Variants in H1-0 observed in about 807,000 individuals in gnomAD.
H1-0 encodes the protein H1.0 linker histone.
In H1-0, 5 loss-of-function variants were observed where a neutral mutation model predicts 8.8. That is an observed-to-expected ratio of 0.57 (90% CI 0.30 to 1.19). The LOEUF (loss-of-function observed/expected upper bound fraction) is 1.19, where lower values mean the gene tolerates loss of function less well. Among genes scored for constraint, H1-0 ranks in the 50% most tolerant of loss-of-function variants. H1-0 has a pLI of 0.08. For synonymous variants in H1-0, 143 were observed against 101.4 expected (o/e 1.41, Z -2.46); for missense variants, 231 against 242.0 (o/e 0.95, Z 0.30).
chr22:37,805,416 G>C lies in H1-0; in HGVS notation c.-129G>C, dbSNP rs1920976921. The C allele has an allele frequency of 9.3e-6, 6 of 642,696 alleles. No individual in the cohort carries two copies. The East Asian group carries it at 1.7e-4, about 19-fold the overall frequency. The allele number at this position is 642,696 out of a possible 1,614,324, so 39.8% of individuals were successfully genotyped here. Reference sequence around the variant, plus strand: ...CAGCGACTCCTCGCTCGCATCCCCGGGAGCCGCACTCCAGACTGGCCCGGT... The same window carrying C: ...CAGCGACTCCTCGCTCGCATCCCCGCGAGCCGCACTCCAGACTGGCCCGGT... On this transcript the variant is annotated 5_prime_UTR_variant, in exon 1 of 1. Transcript: ENST00000340857.
chr22:37,805,548 A>G lies in H1-0; in HGVS notation c.4A>G (p.Thr2Ala). The G allele has an allele frequency of 3.1e-6, 5 of 1,610,686 alleles. No homozygotes were observed. The highest frequency in any genetic ancestry group is 4.2e-6 in the Non-Finnish European group (5 of 1,177,882). ...CAGCCGGACCAGACAGGCCACCATG[A>G]CCGAGAATTCCACGTCCGCCCCTGC... Reference protein sequence around the residue: MTENSTSAPAAK... With the variant: MAENSTSAPAAK... The change falls in exon 1 of 1, where the codon ACC (threonine) becomes GCC (alanine). Residue 2 changes from threonine (T) to alanine (A), a missense_variant. Thr to Ala is a moderately conservative substitution (Grantham distance 58, BLOSUM62 0). Transcript: ENST00000340857.
chr22:37,805,640 C>T lies in H1-0; in HGVS notation c.96C>T (p.Ile32=), dbSNP rs151035348. The change falls in exon 1 of 1, where the codon ATC becomes ATT. Residue 32 remains isoleucine, a synonymous_variant. Transcript: ENST00000340857. ...STDHPKYSDM[I]VAAIQAEKNR... is the part of the protein sequence containing the mutation. The stretch of plus-strand genomic sequence containing the variant: ...ACCACCCCAAGTATTCAGACATGAT[C>T]GTGGCTGCCATCCAGGCCGAGAAGA... 46 of 1,613,998 alleles carry T rather than the reference C, an allele frequency of 2.9e-5. No individual in the cohort carries two copies. The highest frequency in any genetic ancestry group is 3.3e-5 in the Admixed American group (2 of 60,014).
chr22:37,806,243 C>T lies in H1-0; in HGVS notation c.*114C>T, dbSNP rs1920993052. ...CACCTTTTGCCCCCTTCTGTTCTGA[C>T]TTTATAAGAGACAGGATTTGGATTC... On this transcript the variant is annotated 3_prime_UTR_variant, in exon 1 of 1. Transcript: ENST00000340857. The T allele has an allele frequency of 5.2e-6, 4 of 763,686 alleles. No individual in the cohort carries two copies. The highest frequency in any genetic ancestry group is 2.9e-5 in the Admixed American group (1 of 34,124). 47.3% of individuals were successfully genotyped at this position (763,686 alleles called of 1,614,324 possible).
At position 37,805,919 on chromosome 22, in the gene H1-0, G is replaced by A; in HGVS notation, c.375G>A (p.Lys125=). Residue 125 remains lysine (K), a synonymous_variant, in exon 1 of 1, where the codon AAG becomes AAA. Coordinates refer to ENST00000340857, the MANE Select transcript of H1-0 (RefSeq NM_005318.4). The stretch of plus-strand genomic sequence containing the variant: ...TAGCCACGCCAAAGAAGGCATCCAA[G>A]CCCAAGAAGGCTGCCTCCAAAGCCC... The part of the protein sequence containing the change: ...KKVATPKKAS[K]PKKAASKAPT... 2 of 1,614,092 alleles carry A rather than the reference G, an allele frequency of 1.2e-6. No homozygotes were observed. Among genetic ancestry groups the A allele is most frequent in the Middle Eastern group, 1.6e-4 (1 of 6,062 alleles).
rs565020980 is a variant in H1-0, at chr22:37,805,852, A to G, written c.308A>G (p.Lys103Arg). The G allele has an allele frequency of 6.2e-7, 1 of 1,614,014 alleles. No homozygotes were observed. The highest frequency in any genetic ancestry group is 2.2e-5 in the East Asian group (1 of 44,884). ...CTAGCCAAGAGCGACGAACCCAAGA[A>G]GTCAGTGGCCTTCAAGAAGACCAAG... ...FRLAKSDEPK[K>R]SVAFKKTKKE... Residue 103 changes from lysine to arginine, a missense_variant, in exon 1 of 1, where the codon AAG (lysine) becomes AGG (arginine). Transcript: ENST00000340857.
At position 37,806,024 on chromosome 22, in the gene H1-0, C is replaced by A; in HGVS notation, c.480C>A (p.Pro160=). ...CCACGCCCAAGAAAGCCAAAAAACC[C>A]AAGACTGTCAAAGCCAAGCCGGTCA... ...LAATPKKAKK[P]KTVKAKPVKA... Residue 160 remains proline, a synonymous_variant, in exon 1 of 1, where the codon CCC becomes CCA. Transcript: ENST00000340857. 3 of 1,613,974 alleles carry A rather than the reference C, an allele frequency of 1.9e-6. No homozygotes were observed. Among genetic ancestry groups the A allele is most frequent in the Non-Finnish European group, 2.5e-6 (3 of 1,180,000 alleles).
chr22:37,805,475 C>T lies in H1-0; in HGVS notation c.-70C>T. On this transcript the variant is annotated 5_prime_UTR_variant, in exon 1 of 1. Transcript: ENST00000340857. ...GCTCAGGAGCAGATCCCGAGGCAGG[C>T]TTTGCTCAGCCTCCGACGAGGGCTG... 1.7e-6 allele frequency: 2 copies of T among 1,182,168 alleles called. No homozygotes were observed. The highest frequency in any genetic ancestry group is 2.4e-5 in the East Asian group (1 of 42,132). The allele number at this position is 1,182,168 out of a possible 1,614,324, so 73.2% of individuals were successfully genotyped here.
At position 37,805,318 on chromosome 22, in the gene H1-0, A is replaced by G. The variant is rs1433096654; in HGVS notation, c.-227A>G. ...CCGAGCCCGGTGCCGAGACCAAGCG[A>G]CAGACCGGCGGGGCTGGGCCTCGCA... On this transcript the variant is annotated 5_prime_UTR_variant, in exon 1 of 1. Transcript: ENST00000340857. The G allele has an allele frequency of 1.9e-6, 1 of 533,772 alleles. No individual in the cohort carries two copies. The highest frequency in any genetic ancestry group is 3.3e-6 in the Non-Finnish European group (1 of 300,504). The allele number at this position is 533,772 out of a possible 1,614,324, so 33.1% of individuals were successfully genotyped here.
rs1601687453 is a variant in H1-0 at position 37,806,216 on chromosome 22, A to G, written c.*87A>G. 2 of 1,004,344 alleles carry G rather than the reference A, an allele frequency of 2.0e-6. No homozygotes were observed. Among genetic ancestry groups the G allele is most frequent in the East Asian group, 5.2e-5 (2 of 38,290 alleles). 62.2% of individuals were successfully genotyped at this position (1,004,344 alleles called of 1,614,324 possible). A position where few individuals can be genotyped will look rare whatever the true frequency, so the allele number is the denominator to read the frequency against. Reference sequence around the variant, plus strand: ...CCTTTTTTCTCTCTTGATGCTCACCACCACCTTTTGCCCCCTTCTGTTCTG... The same window carrying G: ...CCTTTTTTCTCTCTTGATGCTCACCGCCACCTTTTGCCCCCTTCTGTTCTG... On this transcript the variant is annotated 3_prime_UTR_variant, in exon 1 of 1. Transcript: ENST00000340857.
In H1-0 at chr22:37,805,725, G is replaced by A. The variant is rs746056266; in HGVS notation, c.181G>A (p.Gly61Ser). 1.3e-5 allele frequency: 21 copies of A among 1,613,966 alleles called. No homozygotes were observed. The highest frequency in any genetic ancestry group is 3.4e-6 in the Non-Finnish European group (4 of 1,180,012). Residue 61 changes from glycine to serine, a missense_variant, in exon 1 of 1, where the codon GGT (glycine) becomes AGT (serine). Coordinates refer to ENST00000340857, the MANE Select transcript of H1-0 (RefSeq NM_005318.4). ...GTATATCAAGAGCCACTACAAGGTG[G>A]GTGAGAACGCTGACTCGCAGATCAA... The part of the protein sequence containing the change: ...QKYIKSHYKV[G>S]ENADSQIKLS...
chr22:37,805,982 C>T lies in H1-0; in HGVS notation c.438C>T (p.Ala146=), dbSNP rs1555904966. 8.7e-6 allele frequency: 14 copies of T among 1,613,984 alleles called. No individual in the cohort carries two copies. Among genetic ancestry groups the T allele is most frequent in the Non-Finnish European group, 1.2e-5 (14 of 1,179,996 alleles). ...KKPKATPVKK[A]KKKLAATPKK... is the part of the protein sequence containing the mutation. ...CCAAAGCCACCCCGGTCAAGAAGGC[C>T]AAGAAGAAGCTGGCTGCCACGCCCA... Residue 146 remains alanine (A), a synonymous_variant, in exon 1 of 1, where the codon GCC becomes GCT. Transcript: ENST00000340857.
Position 37,805,727 on chromosome 22 carries a change from T to A in H1-0, c.183T>A (p.Gly61=). 6.2e-7 allele frequency: 1 copy of A among 1,613,932 alleles called. No individual in the cohort carries two copies. Among genetic ancestry groups the A allele is most frequent in the Non-Finnish European group, 8.5e-7 (1 of 1,179,982 alleles). ...ATATCAAGAGCCACTACAAGGTGGG[T>A]GAGAACGCTGACTCGCAGATCAAGT... ...QKYIKSHYKV[G]ENADSQIKLS... is the part of the protein sequence containing the mutation. Residue 61 remains glycine, a synonymous_variant, in exon 1 of 1, where the codon GGT becomes GGA. Coordinates refer to ENST00000340857, the MANE Select transcript of H1-0 (RefSeq NM_005318.4).
Position 37,807,302 on chromosome 22 carries a change from A to C in H1-0, c.*1173A>C, listed in dbSNP as rs937688304. 5 of 167,188 alleles carry C rather than the reference A, an allele frequency of 3.0e-5. No homozygotes were observed. The highest frequency in any genetic ancestry group is 1.2e-4 in the African/African-American group (5 of 41,428). The allele number at this position is 167,188 out of a possible 1,614,324, so 10.4% of individuals were successfully genotyped here. A position where few individuals can be genotyped will look rare whatever the true frequency, so the allele number is the denominator to read the frequency against. Reference sequence around the variant, plus strand: ...TACAGTTGTCTTTCTCTTATTTTTAATAAAATAGAAAAATCGCGCACTTGC... The same window carrying C: ...TACAGTTGTCTTTCTCTTATTTTTACTAAAATAGAAAAATCGCGCACTTGC... On this transcript the variant is annotated 3_prime_UTR_variant, in exon 1 of 1. Transcript: ENST00000340857.
rs1920974473 is a variant in H1-0, at chr22:37,805,277, G to C, written c.-268G>C. On this transcript the variant is annotated 5_prime_UTR_variant, in exon 1 of 1. Coordinates refer to ENST00000340857, the MANE Select transcript of H1-0 (RefSeq NM_005318.4). ...GGCAGAGGAGGCGGAGGCAGAGGCA[G>C]AGGCAGAGGCAGAGCCCGAGCCCGG... 2 of 332,942 alleles carry C rather than the reference G, an allele frequency of 6.0e-6. No homozygotes were observed. The highest frequency in any genetic ancestry group is 9.9e-6 in the Non-Finnish European group (2 of 201,764). The allele number at this position is 332,942 out of a possible 1,614,324, so 20.6% of individuals were successfully genotyped here. A position where few individuals can be genotyped will look rare whatever the true frequency, so the allele number is the denominator to read the frequency against.
chr22:37,806,143 T>C lies in H1-0; in HGVS notation c.*14T>C. ...AAGAAGAAGTGACAATGAAGTCTTT[T>C]CTTGCGGACACTCCCTCCTGTCTCC... is the stretch of plus-strand genomic sequence containing the variant. On this transcript the variant is annotated 3_prime_UTR_variant, in exon 1 of 1. Transcript: ENST00000340857. The C allele has an allele frequency of 6.3e-7, 1 of 1,580,522 alleles. No homozygotes were observed.
chr22:37,805,980 G>C lies in H1-0; in HGVS notation c.436G>C (p.Ala146Pro), dbSNP rs1452609311. The change falls in exon 1 of 1, where the codon GCC becomes CCC. Residue 146 changes from alanine to proline, a missense_variant. Transcript: ENST00000340857. ...ACCCAAAGCCACCCCGGTCAAGAAG[G>C]CCAAGAAGAAGCTGGCTGCCACGCC... ...KKPKATPVKK[A>P]KKKLAATPKK... is the part of the protein sequence containing the mutation. 6.2e-7 allele frequency: 1 copy of C among 1,613,992 alleles called. No individual in the cohort carries two copies. The highest frequency in any genetic ancestry group is 1.1e-5 in the South Asian group (1 of 91,064).
chr22:37,805,316 C>G lies in H1-0; in HGVS notation c.-229C>G. 1.9e-6 allele frequency: 1 copy of G among 532,852 alleles called. No individual in the cohort carries two copies. The highest frequency in any genetic ancestry group is 2.4e-5 in the South Asian group (1 of 42,344). 33.0% of individuals were successfully genotyped at this position (532,852 alleles called of 1,614,324 possible). A position where few individuals can be genotyped will look rare whatever the true frequency, so the allele number is the denominator to read the frequency against. ...GCCCGAGCCCGGTGCCGAGACCAAGCGACAGACCGGCGGGGCTGGGCCTCG... is the reference window on the plus strand; with the variant it reads ...GCCCGAGCCCGGTGCCGAGACCAAGGGACAGACCGGCGGGGCTGGGCCTCG... On this transcript the variant is annotated 5_prime_UTR_variant, in exon 1 of 1. Coordinates refer to ENST00000340857, the MANE Select transcript of H1-0 (RefSeq NM_005318.4).
chr22:37,805,237 A>G lies in H1-0; in HGVS notation c.-308A>G. On this transcript the variant is annotated 5_prime_UTR_variant, in exon 1 of 1. Transcript: ENST00000340857. ...TGCGCCGCCCAAGCGCCAGACGCGG[A>G]GCTGGGAAAAGGGAGGCAGAGGAGG... The G allele has an allele frequency of 5.3e-6, 2 of 376,258 alleles. No individual in the cohort carries two copies. The highest frequency in any genetic ancestry group is 9.7e-6 in the Non-Finnish European group (2 of 206,348). 23.3% of individuals were successfully genotyped at this position (376,258 alleles called of 1,614,324 possible).
In H1-0 at chr22:37,805,826, G is replaced by C; in HGVS notation, c.282G>C (p.Arg94=). The C allele has an allele frequency of 6.2e-7, 1 of 1,614,036 alleles. No homozygotes were observed. Among genetic ancestry groups the C allele is most frequent in the Admixed American group, 1.7e-5 (1 of 60,028 alleles). The change falls in exon 1 of 1, where the codon CGG becomes CGC. Residue 94 remains arginine, a synonymous_variant. Coordinates refer to ENST00000340857, the MANE Select transcript of H1-0 (RefSeq NM_005318.4). ...TKGVGASGSF[R]LAKSDEPKKS... is the part of the protein sequence containing the mutation. The stretch of plus-strand genomic sequence containing the variant: ...GGGTGGGGGCCTCGGGGTCCTTCCG[G>C]CTAGCCAAGAGCGACGAACCCAAGA...
Sources: allele counts gnomAD v4.1 joint callset, GRCh38; gene constraint gnomAD v4.1.1; transcripts MANE v1.5; gene names NCBI Gene and HGNC (gene_info 2026-07-23, HGNC 2026-07-21).